COBLL1: variants seen among roughly 807,000 people sequenced by gnomAD.
The protein encoded by COBLL1 is cordon-bleu protein-like 1.
COBLL1 carries 50 observed loss-of-function variants against 94.8 expected under a neutral mutation model. The ratio of observed to expected loss-of-function variants is 0.53; its 90% confidence interval spans 0.42 to 0.67. The LOEUF is 0.67. Among genes scored for constraint, COBLL1 ranks in the 30% least tolerant of loss-of-function variants. COBLL1 has a pLI of 0.00. For synonymous variants in COBLL1, 448 were observed against 473.8 expected (o/e 0.95, Z 0.71); for missense variants, 1,362 against 1,348.7 (o/e 1.01, Z -0.15).
chr2:164,837,586 T>C (rs1362597482), intron 2 of COBLL1: 1 of 417,538 alleles, frequency 2.4e-6, no homozygotes, highest in Non-Finnish European at 4.8e-6. Flanking sequence ...TCTAGATCAC[T>C]ATGTAAGTTA....
At chr2:164,797,598 T>C (rs1004285608) in intron 2 of COBLL1, among the ~76,000 whole-genome samples, 5 of 152,202 alleles carry the variant, frequency 3.3e-5, no homozygotes, top group African/African-American at 9.7e-5. Context: ...CTTATGACCA[T>C]GTACCCGGTC....
chr2:164,818,769 C>CATATATATATATATATATATATAT (rs752386836), intron 2 of COBLL1, among the ~76,000 whole-genome samples: 78 of 139,440 alleles, frequency 5.6e-4, no homozygotes, highest in African/African-American at 7.8e-4. Flanking sequence ...CTTATGTAAA[C>CATATATATATATATATATATATAT]ATATATATAT....
Position 164,694,331 on chromosome 2 carries a change from CCT to C in COBLL1, c.3059_3060del (p.Glu1020GlyfsTer9), listed in dbSNP as rs748245872. 1.2e-6 allele frequency: 2 copies of C among 1,613,978 alleles called. No individual in the cohort carries two copies. The highest frequency in any genetic ancestry group is 2.2e-5 in the South Asian group (2 of 91,074). On this transcript the variant is annotated frameshift_variant, in exon 12 of 14. Transcript: ENST00000652658. LOFTEE classifies it high-confidence loss of function. ...TTATTTACAGAATGAGTCTTCCCTT[CCT>C]CTGTGTTGGCTGGAGGTTGGACCAA... ...SALVQPPANT[E>X]EGKTHSVNKF... is the part of the protein sequence containing the mutation.
chr2:164,782,754 G>C (rs1350274387), intron 2 of COBLL1, among the ~76,000 whole-genome samples: 2 of 151,990 alleles, frequency 1.3e-5, no homozygotes, highest in Non-Finnish European at 2.9e-5. Context: ...TAGATTTCTG[G>C]TCAAAGATTT....
chr2:164,733,309 T>C (rs1299631252), intron 3 of COBLL1, among the ~76,000 whole-genome samples: 1 of 151,028 alleles, frequency 6.6e-6, no homozygotes, highest in African/African-American at 2.4e-5. Context: ...TAATGGCCTA[T>C]TCCCTCAGTC....
In COBLL1 at chr2:164,796,704, C is replaced by T. The variant is rs1046884891; in HGVS notation, c.41+44452G>A. 1.9e-4 allele frequency among the ~76,000 whole-genome samples: 5 copies of T among 26,294 alleles called. No individual in the cohort carries two copies. In the African/African-American group the frequency reaches 1.9e-3, roughly 10 times the overall value. 17.2% of individuals were successfully genotyped at this position (26,294 alleles called of 152,430 possible). A position where few individuals can be genotyped will look rare whatever the true frequency, so the allele number is the denominator to read the frequency against. ...GATGACAGATGAAGTAGCTGGCCTTCCAAAAAAAAAAAAAAAAAAAAAGGA... is the reference window on the plus strand; with the variant it reads ...GATGACAGATGAAGTAGCTGGCCTTTCAAAAAAAAAAAAAAAAAAAAAGGA... On this transcript the variant is annotated intron_variant, in intron 2 of 13. Transcript: ENST00000652658.
At chr2:164,818,614 T>C (rs1006911513) in intron 2 of COBLL1, among the ~76,000 whole-genome samples, 7 of 144,766 alleles carry the variant, frequency 4.8e-5, no homozygotes, top group African/African-American at 1.8e-4. Context: ...TGTGTACATA[T>C]GTACACATAT....
intron 13 of COBLL1, chr2:164,687,793 T>C (rs977315600): frequency 1.5e-5 from 7 of 453,232 alleles, no homozygotes; most frequent in Non-Finnish European, 1.6e-5. Context: ...ATGACTTCCA[T>C]TGTGGAACCT....
intron 2 of COBLL1, among the ~76,000 whole-genome samples, chr2:164,809,904 T>C (rs575011047): frequency 6.9e-6 from 1 of 145,724 alleles, no homozygotes; most frequent in East Asian, 2.0e-4. Context: ...TTATTTAAAC[T>C]GTTTAGTAAC....
chr2:164,752,126 GA>G (rs1355677192), intron 2 of COBLL1, among the ~76,000 whole-genome samples: 2 of 152,118 alleles, frequency 1.3e-5, no homozygotes, highest in East Asian at 3.8e-4. Flanking sequence ...CAGAACACAA[GA>G]AAAAGTAGTT....
intron 5 of COBLL1, chr2:164,727,246 T>G: frequency 1.8e-6 from 1 of 542,826 alleles, no homozygotes; most frequent in Non-Finnish European, 3.2e-6. Flanking sequence ...ATGGATTACA[T>G]AAAGCCACCA....
chr2:164,819,459 C>T (rs1266091530), intron 2 of COBLL1, among the ~76,000 whole-genome samples: 2 of 151,898 alleles, frequency 1.3e-5, no homozygotes, highest in African/African-American at 4.8e-5. Flanking sequence ...CTAGAAAATA[C>T]AAACTTAAAA....
intron 2 of COBLL1, among the ~76,000 whole-genome samples, chr2:164,771,315 T>A (rs1688192960): frequency 6.6e-6 from 1 of 151,976 alleles, no homozygotes; most frequent in Non-Finnish European, 1.5e-5. Flanking sequence ...AAAACACACA[T>A]GTAACACGTA....
At chr2:164,782,752 T>C (rs1234217350) in intron 2 of COBLL1, among the ~76,000 whole-genome samples, 1 of 152,220 alleles carries the variant, frequency 6.6e-6, no homozygotes, top group Non-Finnish European at 1.5e-5. Context: ...AGTAGATTTC[T>C]GGTCAAAGAT....
chr2:164,805,095 T>C (rs1390849209), intron 2 of COBLL1, among the ~76,000 whole-genome samples: 1 of 151,726 alleles, frequency 6.6e-6, no homozygotes, highest in Non-Finnish European at 1.5e-5. Flanking sequence ...GACTTTTCCA[T>C]ATTAATATTT....
At chr2:164,740,898 G>A (rs1003766800) in intron 3 of COBLL1, among the ~76,000 whole-genome samples, 1 of 133,822 alleles carries the variant, frequency 7.5e-6, no homozygotes, top group Non-Finnish European at 1.6e-5. Flanking sequence ...GGGGGGAAAA[G>A]TTCATAAACG....
At chr2:164,769,352 G>A (rs1394949537) in intron 2 of COBLL1, among the ~76,000 whole-genome samples, 1 of 152,100 alleles carries the variant, frequency 6.6e-6, no homozygotes. Context: ...CCAAGCTGTA[G>A]GGTTGCTAAA....
intron 2 of COBLL1, among the ~76,000 whole-genome samples, chr2:164,753,481 C>T (rs1407585786): frequency 1.3e-5 from 2 of 151,894 alleles, no homozygotes; most frequent in African/African-American, 4.8e-5. Context: ...TTTCTATTAT[C>T]TTAAATACGA....
chr2:164,664,237 A>T (rs915546147), intron 2 of COBLL1, among the ~76,000 whole-genome samples: 1 of 152,232 alleles, frequency 6.6e-6, no homozygotes, highest in Non-Finnish European at 1.5e-5. Flanking sequence ...GTTAAAGTAT[A>T]GATAAGCACT....
Sources: gnomAD v4.1 joint callset for allele counts (sites outside exome capture counted in the v4.1 genomes callset) on GRCh38, gnomAD v4.1.1 for gene constraint, MANE v1.5 for transcripts, NCBI Gene and HGNC (gene_info 2026-07-23, HGNC 2026-07-21) for gene names.